Variants in C16orf89 observed in about 807,000 individuals in gnomAD.
The protein encoded by C16orf89 is UPF0764 protein C16orf89.
C16orf89 carries 57 observed loss-of-function variants against 41.5 expected under a neutral mutation model. The ratio of observed to expected loss-of-function variants is 1.38; its 90% CI spans 1.11 to 1.71. The LOEUF is 1.71. Ranked by LOEUF, C16orf89 falls within the 40% of genes most tolerant of loss-of-function variation. The probability of loss-of-function intolerance (pLI) is 0.00; values close to 1 mark genes in which losing one functional copy is unlikely to be tolerated. For missense variants in C16orf89, 575 were observed against 445.9 expected (o/e 1.29, Z -2.61); for synonymous variants, 223 against 190.6 (o/e 1.17, Z -1.40).
At chr16:5,048,034 T>G in intron 6 of C16orf89, 70 bp from the exon 7 acceptor site, 1 of 853,472 alleles carries the variant, frequency 1.2e-6, no homozygotes, top group South Asian at 1.5e-5. Context: ...TTCTTTTTAC[T>G]GCTTTTATTG....
At chr16:5,050,379 A>AT (rs1344774979) in intron 6 of C16orf89, among the ~76,000 whole-genome samples, 1 of 152,100 alleles carries the variant, frequency 6.6e-6, no homozygotes, top group Non-Finnish European at 1.5e-5. Flanking sequence ...AAAAAAAAAA[A>AT]GAAAACCTAG....
Position 5,055,261 on chromosome 16 carries a change from A to G in C16orf89, c.853T>C (p.Cys285Arg), listed in dbSNP as rs766061643. 3.7e-6 allele frequency: 6 copies of G among 1,611,682 alleles called. No homozygotes were observed. Among genetic ancestry groups the G allele is most frequent in the Middle Eastern group, 1.6e-4 (1 of 6,062 alleles). The change falls in exon 6 of 8, where the codon TGC (cysteine) becomes CGC (arginine). Residue 285 changes from cysteine to arginine, a missense_variant. Coordinates refer to ENST00000472572, the MANE Select transcript of C16orf89 (RefSeq NM_001098514.3). The part of the protein sequence containing the change: ...ILSWQKQQEG[C>R]FGEPDAEDEE... ...CGCAGCTCACCAGGCTCCCCGAAGCATCCTTCCTGCTGTTTCTGCCAGCTG... is the reference window on the plus strand; with the variant it reads ...CGCAGCTCACCAGGCTCCCCGAAGCGTCCTTCCTGCTGTTTCTGCCAGCTG...
At chr16:5,055,981 G>C in intron 5 of C16orf89, 72 bp downstream of exon 5, 1 of 997,056 alleles carries the variant, frequency 1.0e-6, no homozygotes, top group Non-Finnish European at 1.5e-6. Flanking sequence ...GTGTGTGTGT[G>C]TGTGTGTGTG....
At chr16:5,047,015 T>C (rs1956310199) in intron 7 of C16orf89, among the ~76,000 whole-genome samples, 1 of 152,144 alleles carries the variant, frequency 6.6e-6, no homozygotes, top group Non-Finnish European at 1.5e-5. Flanking sequence ...TTCTCTGCCT[T>C]TCCTTATTCC....
intron 6 of C16orf89, 87 bp from the exon 7 acceptor site, chr16:5,048,051 C>G (rs1353895055): frequency 1.3e-6 from 1 of 765,540 alleles, no homozygotes; most frequent in Non-Finnish European, 2.2e-6. Context: ...ATTGTAGAGA[C>G]AGGGTCTCAT....
Position 5,065,686 on chromosome 16 carries a change from T to C in C16orf89, c.208+15A>G, listed in dbSNP as rs764582503. 13 of 1,604,654 alleles carry C rather than the reference T, an allele frequency of 8.1e-6. No homozygotes were observed. Among genetic ancestry groups the C allele is most frequent in the Non-Finnish European group, 1.0e-5 (12 of 1,171,852 alleles). ...GCTTCCCAGTGTCCAGCCAGAGGAA[T>C]TGGGGCTCACTCACCTTCCAGCACT... On this transcript the variant is annotated intron_variant, in intron 1 of 7. Transcript: ENST00000472572.
intron 7 of C16orf89, 139 bp downstream of exon 7, chr16:5,047,739 C>G: frequency 1.5e-6 from 1 of 661,018 alleles, no homozygotes. Context: ...TTCCACCTCT[C>G]AACATGAAGG....
At chr16:5,051,454 G>A (rs1404461715) in intron 6 of C16orf89, among the ~76,000 whole-genome samples, 2 of 152,096 alleles carry the variant, frequency 1.3e-5, no homozygotes, top group African/African-American at 4.8e-5. Flanking sequence ...CTATTTATAA[G>A]AGCTAAAACC....
intron 2 of C16orf89, among the ~76,000 whole-genome samples, chr16:5,061,585 G>A (rs551748978): frequency 4.6e-5 from 7 of 151,222 alleles, no homozygotes; most frequent in Non-Finnish European, 8.8e-5. Flanking sequence ...TGGTGAGAAC[G>A]TGGAGCTCTT....
intron 5 of C16orf89, chr16:5,055,670 G>T (rs1338142507): frequency 1.3e-6 from 2 of 1,532,350 alleles, no homozygotes; most frequent in African/African-American, 2.7e-5. Context: ...GGCTTTGTGG[G>T]TCTGTCTGCC....
In C16orf89 at chr16:5,044,365, G is replaced by A. The variant is rs1426681858; in HGVS notation, c.1069C>T (p.Pro357Ser). 7 of 1,608,574 alleles carry A rather than the reference G, an allele frequency of 4.4e-6. No homozygotes were observed. Among genetic ancestry groups the A allele is most frequent in the Middle Eastern group, 2.0e-4 (1 of 5,048 alleles). Residue 357 changes from proline to serine, a missense_variant, in exon 8 of 8, where the codon CCA (proline) becomes TCA (serine). Coordinates refer to ENST00000472572, the MANE Select transcript of C16orf89 (RefSeq NM_001098514.3). The part of the protein sequence containing the change: ...NREPHPSTPP[P>S]PSSR The stretch of plus-strand genomic sequence containing the variant: ...CGTCCGTCTCAGCGGCTGCTTGGTG[G>A]TGGCGGTGTGGATGGGTGTGGCTCT...
At chr16:5,047,569 G>A (rs1596683369) in intron 7 of C16orf89, among the ~76,000 whole-genome samples, 1 of 151,806 alleles carries the variant, frequency 6.6e-6, no homozygotes, top group East Asian at 1.9e-4. Context: ...CTGGGTTCAA[G>A]TAAATCTCAT....
At chr16:5,053,979 A>C (rs1000787140) in intron 6 of C16orf89, among the ~76,000 whole-genome samples, 2 of 152,218 alleles carry the variant, frequency 1.3e-5, no homozygotes, top group Non-Finnish European at 2.9e-5. Flanking sequence ...AATATGTACA[A>C]TTATTACATG....
At chr16:5,063,321 C>T (rs1956666534) in intron 1 of C16orf89, among the ~76,000 whole-genome samples, 1 of 152,110 alleles carries the variant, frequency 6.6e-6, no homozygotes, top group African/African-American at 2.4e-5. Context: ...CTGCTCAGCC[C>T]CCTCCATGGG....
At chr16:5,051,874 C>G (rs1956403005) in intron 6 of C16orf89, among the ~76,000 whole-genome samples, 1 of 151,944 alleles carries the variant, frequency 6.6e-6, no homozygotes, top group African/African-American at 2.4e-5. Context: ...TCGAGGTAGG[C>G]AGATCACTTG....
At chr16:5,052,299 C>T (rs1956412873) in intron 6 of C16orf89, among the ~76,000 whole-genome samples, 1 of 151,634 alleles carries the variant, frequency 6.6e-6, no homozygotes, top group Admixed American at 6.6e-5. Flanking sequence ...ATCAAAAAGA[C>T]AAAAAATGGC....
chr16:5,045,677 A>G (rs919901301), intron 7 of C16orf89, among the ~76,000 whole-genome samples: 1 of 152,176 alleles, frequency 6.6e-6, no homozygotes, highest in Non-Finnish European at 1.5e-5. Context: ...AGCCCCCAAC[A>G]GTTTGGTGCC....
chr16:5,056,040 A>G lies in C16orf89; in HGVS notation c.763+13T>C, dbSNP rs1596695141. 1 of 1,573,284 alleles carries G rather than the reference A, an allele frequency of 6.4e-7. No homozygotes were observed. Among genetic ancestry groups the G allele is most frequent in the South Asian group, 1.1e-5 (1 of 89,394 alleles). On this transcript the variant is annotated intron_variant, in intron 5 of 7. Transcript: ENST00000472572. ...CCTGTTCCTTTGCCCCGGGGGCAGA[A>G]TGCTGGCCATACTGTTTTCCATGAA...
Position 5,046,745 on chromosome 16 carries a change from G to A in C16orf89, c.955+1133C>T, listed in dbSNP as rs534026961. Among the ~76,000 whole-genome samples the A allele has an allele frequency of 3.3e-5, 5 of 151,958 alleles. No individual in the cohort carries two copies. The East Asian group carries it at 5.8e-4, about 18-fold the overall frequency. The stretch of plus-strand genomic sequence containing the variant: ...GTCCCCCTCCTTCCCTTTCTTCTAC[G>A]TTATTTCTTGACTTTCTTCTACGTT... On this transcript the variant is annotated intron_variant, in intron 7 of 7. Transcript: ENST00000472572.
Sources: gnomAD v4.1 joint callset for allele counts (sites outside exome capture counted in the v4.1 genomes callset) on GRCh38, gnomAD v4.1.1 for gene constraint, MANE v1.5 for transcripts, NCBI Gene and HGNC (gene_info 2026-07-23, HGNC 2026-07-21) for gene names.